The following MAN1B1 variants were observed in gnomAD, a reference collection of about 807,000 sequenced individuals.
MAN1B1 encodes endoplasmic reticulum mannosyl-oligosaccharide 1,2-alpha-mannosidase.
MAN1B1 carries 66 observed loss-of-function variants against 75.5 expected under a neutral mutation model. The observed-to-expected ratio is 0.87, with a 90% confidence interval of 0.72 to 1.07. The LOEUF is 1.07. Among genes scored for constraint, MAN1B1 ranks in the 50% least tolerant of loss-of-function variants. The pLI, the probability that MAN1B1 is intolerant of heterozygous loss-of-function variation, is 0.00. For missense variants in MAN1B1, 973 were observed against 912.5 expected, an observed-to-expected ratio of 1.07 and a Z score of -0.85; for synonymous variants, 453 against 382.8, an observed-to-expected ratio of 1.18 and a Z score of -2.14.
rs768432760 is a variant in MAN1B1, at chr9:137,107,409, C to T, written c.1726C>T (p.Leu576Phe). ...GAGTCCCGAGATCGTGCACTTCAAC[C>T]TTTACCCCCAGCCGGGCCGTCGGGA... ...GLSPEIVHFN[L>F]YPQPGRRDVE... The change falls in exon 11 of 13, where the codon CTT (leucine) becomes TTT (phenylalanine). Residue 576 changes from leucine (L) to phenylalanine (F), a missense_variant. Transcript: ENST00000371589. 1.9e-6 allele frequency: 3 copies of T among 1,613,482 alleles called. No homozygotes were observed.
intron 2 of MAN1B1, 96 bp from the exon 3 acceptor site, chr9:137,088,773 G>A: frequency 7.7e-7 from 1 of 1,297,490 alleles, no homozygotes; most frequent in Non-Finnish European, 1.1e-6. Context: ...ATGTTGATTT[G>A]TAATGGATAG....
At position 137,101,534 on chromosome 9, in the gene MAN1B1, T is replaced by G. The variant is rs148707659; in HGVS notation, c.1116T>G (p.Ile372Met). 6.2e-7 allele frequency: 1 copy of G among 1,613,932 alleles called. No homozygotes were observed. The highest frequency in any genetic ancestry group is 1.7e-5 in the Admixed American group (1 of 60,024). ...CTGCCTTCAGAACACCATCCAAGATTCCTTACTCGGATGTGAACATCGGTA... is the reference window on the plus strand; with the variant it reads ...CTGCCTTCAGAACACCATCCAAGATGCCTTACTCGGATGTGAACATCGGTA... ...LMPAFRTPSKIPYSDVNIGTG... is the reference protein window; with the variant it reads ...LMPAFRTPSKMPYSDVNIGTG... Residue 372 changes from isoleucine to methionine, a missense_variant, in exon 8 of 13, where the codon ATT (isoleucine) becomes ATG (methionine). Physicochemically the swap from Ile to Met is conservative, Grantham distance 10. Coordinates refer to ENST00000371589, the MANE Select transcript of MAN1B1 (RefSeq NM_016219.5).
At chr9:137,107,714 G>A (rs372763185) in intron 12 of MAN1B1, 52 bp downstream of exon 12, 94 of 1,610,324 alleles carry the variant, frequency 5.8e-5, no homozygotes, top group Middle Eastern at 1.6e-4. Context: ...CCACAGGCAC[G>A]GCTGGGCTGT....
At chr9:137,096,794 C>T (rs1306430341) in intron 4 of MAN1B1, among the ~76,000 whole-genome samples, 2 of 152,202 alleles carry the variant, frequency 1.3e-5, no homozygotes, top group African/African-American at 2.4e-5. Flanking sequence ...TGTCCTCTGC[C>T]CGGTTCGTCA....
rs201350051 is a variant in MAN1B1 at position 137,103,537 on chromosome 9, C to T, written c.1254+1865C>T. On this transcript the variant is annotated intron_variant, in intron 8 of 12. Coordinates refer to ENST00000371589, the MANE Select transcript of MAN1B1 (RefSeq NM_016219.5). ...GTGCAGGCCGGTGGTGTTACATTCACGCTGTTGCAGGCGTGCAGGTTGGTG... is the reference window on the plus strand; with the variant it reads ...GTGCAGGCCGGTGGTGTTACATTCATGCTGTTGCAGGCGTGCAGGTTGGTG... 1.5e-3 allele frequency: 671 copies of T among 442,612 alleles called. 8 individuals carry two copies. The highest frequency in any genetic ancestry group is 0.01 in the African/African-American group (452 of 43,702). The allele number at this position is 442,612 out of a possible 1,614,324, so 27.4% of individuals were successfully genotyped here. A position where few individuals can be genotyped will look rare whatever the true frequency, so the allele number is the denominator to read the frequency against.
At position 137,108,863 on chromosome 9, in the gene MAN1B1, T is replaced by C; in HGVS notation, c.*272T>C. 1.6e-6 allele frequency: 1 copy of C among 613,978 alleles called. No individual in the cohort carries two copies. The highest frequency in any genetic ancestry group is 1.8e-5 in the African/African-American group (1 of 55,216). The allele number at this position is 613,978 out of a possible 1,614,324, so 38.0% of individuals were successfully genotyped here. The stretch of plus-strand genomic sequence containing the variant: ...ATCATGACTCACGATTGCTGAAGCC[T>C]GAGCAGGTCTCTGTGGGCCGACCAG... On this transcript the variant is annotated 3_prime_UTR_variant, in exon 13 of 13. Transcript: ENST00000371589.
In MAN1B1 at chr9:137,106,308, G is replaced by A; in HGVS notation, c.1438G>A (p.Glu480Lys). 6.4e-7 allele frequency: 1 copy of A among 1,550,586 alleles called. No homozygotes were observed. The highest frequency in any genetic ancestry group is 8.7e-7 in the Non-Finnish European group (1 of 1,147,808). Residue 480 changes from glutamate to lysine, a missense_variant, in exon 9 of 13, where the codon GAG becomes AAG. By Grantham distance (56) the Glu-to-Lys change is moderately conservative (BLOSUM62 1). Transcript: ENST00000371589. ...LKQWIQGGKQETQLLEDYVEA... is the reference protein window; with the variant it reads ...LKQWIQGGKQKTQLLEDYVEA... Reference sequence around the variant, plus strand: ...GCAGTGGATCCAGGGCGGGAAGCAGGAGACACAGTGAGGCCCGGCCCGCTG... The same window carrying A: ...GCAGTGGATCCAGGGCGGGAAGCAGAAGACACAGTGAGGCCCGGCCCGCTG...
chr9:137,087,253 C>G, intron 1 of MAN1B1, 35 bp downstream of exon 1: 2 of 1,545,088 alleles, frequency 1.3e-6, no homozygotes, highest in Non-Finnish European at 1.7e-6. Flanking sequence ...GGGCCCGGGG[C>G]TGCCGTGCCC....
At chr9:137,107,502 C>T (rs1346561244) in intron 11 of MAN1B1, 29 bp from the exon 12 acceptor site, 1 of 1,612,972 alleles carries the variant, frequency 6.2e-7, no homozygotes, top group Admixed American at 1.7e-5. Flanking sequence ...GCAGGGCTGG[C>T]CTTGCCCTGA....
intron 3 of MAN1B1, chr9:137,089,394 GT>G (rs1255886384): frequency 3.2e-6 from 1 of 317,258 alleles, no homozygotes; most frequent in African/African-American, 2.2e-5. Flanking sequence ...GGTCCTGAGG[GT>G]TCAGGGGAGG....
chr9:137,100,463 G>A (rs1405251025), intron 6 of MAN1B1, among the ~76,000 whole-genome samples: 2 of 152,206 alleles, frequency 1.3e-5, no homozygotes, highest in Non-Finnish European at 1.5e-5. Context: ...TGAGATAGGA[G>A]GTGATATTGA....
In MAN1B1 at chr9:137,108,619, C is replaced by T. The variant is rs768061334; in HGVS notation, c.*28C>T. The T allele has an allele frequency of 9.9e-6, 16 of 1,608,822 alleles. No homozygotes were observed. Among genetic ancestry groups the T allele is most frequent in the African/African-American group, 4.0e-5 (3 of 74,810 alleles). ...TGGATGGCTGCTGGTGTGGGGACTTCGGGTGGGCAGAGGCACCTTGCTGGG... is the reference window on the plus strand; with the variant it reads ...TGGATGGCTGCTGGTGTGGGGACTTTGGGTGGGCAGAGGCACCTTGCTGGG... On this transcript the variant is annotated 3_prime_UTR_variant, in exon 13 of 13. Coordinates refer to ENST00000371589, the MANE Select transcript of MAN1B1 (RefSeq NM_016219.5).
At chr9:137,102,552 A>C (rs1224565577) in intron 8 of MAN1B1, 1 of 223,832 alleles carries the variant, frequency 4.5e-6, no homozygotes, top group African/African-American at 3.0e-5. Context: ...GTGGTGTTAC[A>C]CACATTCACG....
rs752045534 is a variant in MAN1B1, at chr9:137,087,008, C to T, written c.9C>T (p.Ala3=). The change falls in exon 1 of 13, where the codon GCC becomes GCT. Residue 3 remains alanine, a synonymous_variant. Transcript: ENST00000371589. The stretch of plus-strand genomic sequence containing the variant: ...CTGTTGACGGCGCTGCGATGGCTGC[C>T]TGCGAGGGCAGGAGAAGCGGAGCTC... MA[A]CEGRRSGALG... 2.5e-6 allele frequency: 4 copies of T among 1,595,948 alleles called. No homozygotes were observed. Among genetic ancestry groups the T allele is most frequent in the African/African-American group, 1.3e-5 (1 of 74,848 alleles).
chr9:137,093,514 C>A (rs544707694), intron 3 of MAN1B1, among the ~76,000 whole-genome samples: 14 of 152,192 alleles, frequency 9.2e-5, no homozygotes, highest in Non-Finnish European at 1.9e-4. Context: ...TTTGAAAAGA[C>A]CTAAATAAGT....
chr9:137,107,543 C>A lies in MAN1B1; in HGVS notation c.1777C>A (p.His593Asn). Residue 593 changes from histidine (H) to asparagine (N), a missense_variant, in exon 12 of 13, where the codon CAC becomes AAC. Transcript: ENST00000371589. ...RDVEVKPADR[H>N]NLLRPETVES... ...GCTCCGCCCACAGCCAGCAGACAGG[C>A]ACAACCTGCTGCGGCCAGAGACCGT... 2 of 1,612,938 alleles carry A rather than the reference C, an allele frequency of 1.2e-6. No individual in the cohort carries two copies. Among genetic ancestry groups the A allele is most frequent in the South Asian group, 1.1e-5 (1 of 91,086 alleles).
Position 137,099,817 on chromosome 9 carries a change from G to C in MAN1B1, c.852G>C (p.Trp284Cys). The change falls in exon 6 of 13, where the codon TGG becomes TGC. Residue 284 changes from tryptophan to cysteine, a missense_variant. By Grantham distance (215) the Trp-to-Cys change is radical (BLOSUM62 -2). Coordinates refer to ENST00000371589, the MANE Select transcript of MAN1B1 (RefSeq NM_016219.5). Reference sequence around the variant, plus strand: ...CTGTGTCCAGGTCCTTCAGTGAGTGGTTTGGCCTCGGTCTCACACTGATCG... The same window carrying C: ...CTGTGTCCAGGTCCTTCAGTGAGTGCTTTGGCCTCGGTCTCACACTGATCG... ...LKPVSRSFSE[W>C]FGLGLTLIDA... is the part of the protein sequence containing the mutation. The C allele has an allele frequency of 1.2e-6, 2 of 1,614,250 alleles. No homozygotes were observed. The highest frequency in any genetic ancestry group is 8.5e-7 in the Non-Finnish European group (1 of 1,180,054).
intron 8 of MAN1B1, chr9:137,105,660 T>C: frequency 3.0e-6 from 1 of 332,680 alleles, no homozygotes; most frequent in South Asian, 2.4e-5. Context: ...AGGGTGGCTG[T>C]GACTTGGAGG....
intron 8 of MAN1B1, chr9:137,104,810 C>T (rs543443208): frequency 6.6e-6 from 1 of 151,526 alleles, no homozygotes; most frequent in South Asian, 2.1e-4. Flanking sequence ...GTGCACACAC[C>T]TGCCTGAGGC....
Sources: gnomAD v4.1 joint callset for allele counts (sites outside exome capture counted in the v4.1 genomes callset) on GRCh38, gnomAD v4.1.1 for gene constraint, MANE v1.5 for transcripts, NCBI Gene and HGNC (gene_info 2026-07-23, HGNC 2026-07-21) for gene names.